EFEMP1: variants seen among roughly 807,000 people sequenced by gnomAD.
EFEMP1 encodes EGF-containing fibulin-like extracellular matrix protein 1.
EFEMP1 carries 18 observed loss-of-function variants against 65.7 expected under a neutral mutation model. The observed-to-expected ratio is 0.27, with a 90% CI of 0.19 to 0.41. The LOEUF is 0.41. Ranked by LOEUF, EFEMP1 falls within the 10% of genes least tolerant of loss-of-function variation. The pLI, the probability that EFEMP1 is intolerant of heterozygous loss-of-function variation, is 1.00. For synonymous variants in EFEMP1, 237 were observed against 219.7 expected (o/e 1.08, Z -0.70); for missense variants, 469 against 624.8 (o/e 0.75, Z 2.66).
Position 55,876,048 on chromosome 2 carries a change from G to A in EFEMP1, c.880+575C>T, listed in dbSNP as rs1006951815. ...GAATTATATAACGAAATGTGCACAT[G>A]CAATGGACCCTGAAGGTCATGAATC... On this transcript the variant is annotated intron_variant, in intron 8 of 11. Coordinates refer to ENST00000355426, the MANE Select transcript of EFEMP1 (RefSeq NM_001039348.3). Among the ~76,000 whole-genome samples, 11 of 152,052 alleles carry A rather than the reference G, an allele frequency of 7.2e-5. No individual in the cohort carries two copies. In the East Asian group the frequency reaches 2.1e-3, roughly 29 times the overall value.
chr2:55,920,837 A>G (rs979144493), intron 3 of EFEMP1, among the ~76,000 whole-genome samples: 2 of 152,232 alleles, frequency 1.3e-5, no homozygotes, highest in African/African-American at 4.8e-5. Context: ...ACAGCGGGAT[A>G]CTCAGAAATA....
In EFEMP1 at chr2:55,873,066, C is replaced by A. The variant is rs868275358; in HGVS notation, c.1000+1880G>T. Among the ~76,000 whole-genome samples the A allele has an allele frequency of 1.4e-5, 2 of 145,402 alleles. No homozygotes were observed. Among genetic ancestry groups the A allele is most frequent in the Non-Finnish European group, 3.0e-5 (2 of 66,116 alleles). ...TTCTTTTGTCTCTCTGTCTCTCTCT[C>A]CACACACACACACACACACACACAC... is the stretch of plus-strand genomic sequence containing the variant. On this transcript the variant is annotated intron_variant, in intron 9 of 11. Coordinates refer to ENST00000355426, the MANE Select transcript of EFEMP1 (RefSeq NM_001039348.3). This position sits in a 1 kb window ranked among gnomAD's most constrained non-coding sequence, Gnocchi z 4.6.
chr2:55,873,064 CT>C lies in EFEMP1; in HGVS notation c.1000+1881del, dbSNP rs1393298287. 1.0e-3 allele frequency among the ~76,000 whole-genome samples: 62 copies of C among 62,070 alleles called. No homozygotes were observed. The highest frequency in any genetic ancestry group is 6.4e-3 in the Admixed American group (35 of 5,472). 40.7% of individuals were successfully genotyped at this position (62,070 alleles called of 152,430 possible). A position where few individuals can be genotyped will look rare whatever the true frequency, so the allele number is the denominator to read the frequency against. On this transcript the variant is annotated intron_variant, in intron 9 of 11. Transcript: ENST00000355426. The surrounding 1 kb of genome is among the most constrained non-coding windows in gnomAD (Gnocchi z 4.6). Reference sequence around the variant, plus strand: ...TATTCTTTTGTCTCTCTGTCTCTCTCTCCACACACACACACACACACACACA... The same window carrying C: ...TATTCTTTTGTCTCTCTGTCTCTCTCCCACACACACACACACACACACACA...
chr2:55,881,585 C>A (rs1366373982), intron 6 of EFEMP1, 27 bp downstream of exon 6: 1 of 1,612,702 alleles, frequency 6.2e-7, no homozygotes, highest in Non-Finnish European at 8.5e-7. Flanking sequence ...CAAGACAGGA[C>A]CGTGCTCACT....
chr2:55,917,154 A>G lies in EFEMP1; in HGVS notation c.517+511T>C, dbSNP rs1670725713. ...TGAGAAACCAAAGGGGTACATCTGT[A>G]GAGTAGCTTGACAGCATAATTTCAA... On this transcript the variant is annotated intron_variant, in intron 5 of 11. Transcript: ENST00000355426. The surrounding 1 kb of genome is among the most constrained non-coding windows in gnomAD (Gnocchi z 6.3). 6.6e-6 allele frequency among the ~76,000 whole-genome samples: 1 copy of G among 152,248 alleles called. No homozygotes were observed. The highest frequency in any genetic ancestry group is 2.4e-5 in the African/African-American group (1 of 41,476).
Position 55,875,125 on chromosome 2 carries a change from G to GATATAT in EFEMP1, c.881-66_881-61dup, listed in dbSNP as rs55673402. On this transcript the variant is annotated intron_variant, in intron 8 of 11. Transcript: ENST00000355426. ...GAAAAGTTTGTGCACCACTACTTTGGATATATATATATATATAAATTATAT... is the reference window on the plus strand; with the variant it reads ...GAAAAGTTTGTGCACCACTACTTTGGATATATATATATATATATATATAAATTATAT... 1.6e-4 allele frequency: 121 copies of GATATAT among 779,102 alleles called. No homozygotes were observed. In the African/African-American group the frequency reaches 1.9e-3, roughly 12 times the overall value. 48.3% of individuals were successfully genotyped at this position (779,102 alleles called of 1,614,324 possible).
chr2:55,914,892 A>C (rs1454816075), intron 5 of EFEMP1, among the ~76,000 whole-genome samples: 1 of 152,242 alleles, frequency 6.6e-6, no homozygotes, highest in Admixed American at 6.5e-5. Flanking sequence ...AGAGGTCCCC[A>C]TACTTCCACA....
At chr2:55,894,347 G>A (rs1211623142) in intron 5 of EFEMP1, among the ~76,000 whole-genome samples, 1 of 152,052 alleles carries the variant, frequency 6.6e-6, no homozygotes, top group Non-Finnish European at 1.5e-5. Context: ...TAAAATTATC[G>A]ATCAGAACTA....
chr2:55,890,236 A>G (rs1325489047), intron 5 of EFEMP1, among the ~76,000 whole-genome samples: 2 of 152,080 alleles, frequency 1.3e-5, no homozygotes, highest in African/African-American at 4.8e-5. Context: ...AATTAAAAAA[A>G]TACTACATAA....
At chr2:55,888,562 C>T (rs1055226476) in intron 5 of EFEMP1, among the ~76,000 whole-genome samples, 10 of 152,130 alleles carry the variant, frequency 6.6e-5, no homozygotes, top group African/African-American at 9.6e-5. Context: ...TGGTCTCAAA[C>T]GCCTGACCTT....
chr2:55,911,906 T>A (rs1670493826), intron 5 of EFEMP1, among the ~76,000 whole-genome samples: 1 of 152,186 alleles, frequency 6.6e-6, no homozygotes, highest in African/African-American at 2.4e-5. Flanking sequence ...GACTAGAAAT[T>A]TAATGGCTGC....
At position 55,871,127 on chromosome 2, in the gene EFEMP1, T is replaced by A; in HGVS notation, c.1001-4A>T. 2 of 1,613,464 alleles carry A rather than the reference T, an allele frequency of 1.2e-6. No individual in the cohort carries two copies. Among genetic ancestry groups the A allele is most frequent in the South Asian group, 1.1e-5 (1 of 91,072 alleles). On this transcript the variant is annotated splice_polypyrimidine_tract_variant and splice_region_variant and intron_variant, in intron 9 of 11. Coordinates refer to ENST00000355426, the MANE Select transcript of EFEMP1 (RefSeq NM_001039348.3). The surrounding 1 kb of genome is among the most constrained non-coding windows in gnomAD (Gnocchi z 4.2). ...GTGGTCTCACACTCATTTATATCTG[T>A]AGAGATGTAGGGTCAAAGAGTTTAC...
rs1052419324 is a variant in EFEMP1 at position 55,923,419 on chromosome 2, A to G, written c.-49+292T>C. On this transcript the variant is annotated intron_variant, in intron 1 of 11. Coordinates refer to ENST00000355426, the MANE Select transcript of EFEMP1 (RefSeq NM_001039348.3). The surrounding 1 kb of genome is among the most constrained non-coding windows in gnomAD (Gnocchi z 5.3). ...TCCAGGTGCGGCTTAAATCTCGCAC[A>G]CTGGTCCCCTAAACTTTCAAAACCA... Among the ~76,000 whole-genome samples, 3 of 152,174 alleles carry G rather than the reference A, an allele frequency of 2.0e-5. No individual in the cohort carries two copies. The highest frequency in any genetic ancestry group is 7.2e-5 in the African/African-American group (3 of 41,440).
chr2:55,881,199 G>C (rs1444510883), intron 6 of EFEMP1, among the ~76,000 whole-genome samples: 1 of 152,180 alleles, frequency 6.6e-6, no homozygotes, highest in Non-Finnish European at 1.5e-5. Context: ...GTCTCAAAGC[G>C]AGCTGGGGTT....
intron 5 of EFEMP1, among the ~76,000 whole-genome samples, chr2:55,898,767 C>T (rs1669926974): frequency 6.6e-6 from 1 of 152,104 alleles, no homozygotes; most frequent in African/African-American, 2.4e-5. Flanking sequence ...AACTGTCTTC[C>T]AATGGAATTT....
intron 5 of EFEMP1, among the ~76,000 whole-genome samples, chr2:55,895,806 G>T (rs1323293905): frequency 2.0e-5 from 3 of 151,884 alleles, no homozygotes; most frequent in African/African-American, 7.3e-5. Flanking sequence ...CTCCCAAAGT[G>T]CCGGGATTAC....
intron 5 of EFEMP1, among the ~76,000 whole-genome samples, chr2:55,887,267 C>T (rs1448698683): frequency 6.6e-6 from 1 of 152,150 alleles, no homozygotes; most frequent in East Asian, 1.9e-4. Context: ...CTGAGGAAGA[C>T]TTATTTCCTA....
rs534289507 is a variant in EFEMP1 at position 55,870,150 on chromosome 2, A to G, written c.1320+570T>C. ...AAGAATGGTACAACTACTGACACAT[A>G]CTGTGCGGGGAGGTGGGGTCACTTC... On this transcript the variant is annotated intron_variant, in intron 11 of 11. Coordinates refer to ENST00000355426, the MANE Select transcript of EFEMP1 (RefSeq NM_001039348.3). The surrounding 1 kb of genome is among the most constrained non-coding windows in gnomAD (Gnocchi z 5.8). Among the ~76,000 whole-genome samples, 1 of 152,190 alleles carries G rather than the reference A, an allele frequency of 6.6e-6. No homozygotes were observed. The highest frequency in any genetic ancestry group is 2.1e-4 in the South Asian group (1 of 4,814).
chr2:55,874,483 C>A (rs3791677), intron 9 of EFEMP1, among the ~76,000 whole-genome samples: 1 of 151,948 alleles, frequency 6.6e-6, no homozygotes, highest in Non-Finnish European at 1.5e-5. Context: ...AAATATTCAA[C>A]TATATTTTAC....
Sources: allele counts gnomAD v4.1 joint callset (sites outside exome capture counted in the v4.1 genomes callset), GRCh38; gene constraint gnomAD v4.1.1; non-coding constraint Gnocchi (gnomAD v3.1); transcripts MANE v1.5; gene names NCBI Gene and HGNC (gene_info 2026-07-23, HGNC 2026-07-21).